Variants in LRP1B observed in about 807,000 individuals in gnomAD.
The protein encoded by LRP1B is LDL receptor related protein 1B.
In LRP1B, 217 loss-of-function variants were observed where a neutral mutation model predicts 556.6. The ratio of observed to expected loss-of-function variants is 0.39; its 90% confidence interval spans 0.35 to 0.44. The LOEUF (loss-of-function observed/expected upper bound fraction) is 0.44, where lower values mean the gene tolerates loss of function less well. Among genes scored for constraint, LRP1B ranks in the 20% least tolerant of loss-of-function variants. LRP1B has a pLI of 1.00. For synonymous variants in LRP1B, 2,047 were observed against 1,865.8 expected, an observed-to-expected ratio of 1.10 and a Z score of -2.50; for missense variants, 5,053 against 5,620.8, an observed-to-expected ratio of 0.90 and a Z score of 3.23.
intron 47 of LRP1B, among the ~76,000 whole-genome samples, chr2:140,528,804 A>T (rs1254998818): frequency 6.6e-6 from 1 of 151,990 alleles, no homozygotes; most frequent in Non-Finnish European, 1.5e-5. Flanking sequence ...AAATAGTAGG[A>T]ACTTCATTAA....
At chr2:140,396,689 T>C (rs1684273529) in intron 66 of LRP1B, among the ~76,000 whole-genome samples, 1 of 152,182 alleles carries the variant, frequency 6.6e-6, no homozygotes, top group Admixed American at 6.6e-5. Context: ...AGTTAATAAA[T>C]AGTATCTGAA....
chr2:140,811,142 T>A (rs551158689), intron 32 of LRP1B, among the ~76,000 whole-genome samples: 1 of 152,150 alleles, frequency 6.6e-6, no homozygotes, highest in African/African-American at 2.4e-5. Flanking sequence ...AGCAATTTAC[T>A]TGTTAAGAGA....
intron 2 of LRP1B, among the ~76,000 whole-genome samples, chr2:141,702,264 G>T (rs1477966640): frequency 6.6e-6 from 1 of 151,794 alleles, no homozygotes; most frequent in African/African-American, 2.4e-5. Context: ...ATGCTTATAG[G>T]CAGGTGAAGA....
intron 2 of LRP1B, among the ~76,000 whole-genome samples, chr2:141,585,800 G>T (rs1250923981): frequency 6.6e-6 from 1 of 151,888 alleles, no homozygotes; most frequent in Non-Finnish European, 1.5e-5. Context: ...TGAGAGATGG[G>T]TGCCTTACTC....
chr2:141,505,317 G>A (rs926569552), intron 2 of LRP1B, among the ~76,000 whole-genome samples: 5 of 151,914 alleles, frequency 3.3e-5, no homozygotes, highest in East Asian at 1.9e-4. Flanking sequence ...GTTGCAACTC[G>A]GATATCATAC....
chr2:141,940,524 A>G (rs571954377), intron 1 of LRP1B, among the ~76,000 whole-genome samples: 4 of 152,264 alleles, frequency 2.6e-5, no homozygotes, highest in African/African-American at 9.6e-5. Context: ...ACTATGTTTT[A>G]GATATCGGAA....
chr2:141,339,300 C>CAA (rs199875427), intron 3 of LRP1B, among the ~76,000 whole-genome samples: 25 of 75,686 alleles, frequency 3.3e-4, no homozygotes, highest in Non-Finnish European at 3.6e-4. Context: ...TGGGGTAACG[C>CAA]AAAAAAAAAA....
chr2:140,449,370 A>T (rs992066738), intron 63 of LRP1B, among the ~76,000 whole-genome samples: 1 of 152,112 alleles, frequency 6.6e-6, no homozygotes, highest in African/African-American at 2.4e-5. Flanking sequence ...TCTTCCTTTG[A>T]TATTCCTTTT....
chr2:140,602,218 G>A (rs1486489291), intron 41 of LRP1B, among the ~76,000 whole-genome samples: 1 of 149,090 alleles, frequency 6.7e-6, no homozygotes, highest in South Asian at 2.1e-4. Context: ...AAAAAACAAA[G>A]CAAGAGAAAA....
intron 1 of LRP1B, among the ~76,000 whole-genome samples, chr2:142,050,428 T>A (rs1282224416): frequency 6.6e-6 from 1 of 152,106 alleles, no homozygotes; most frequent in Non-Finnish European, 1.5e-5. Context: ...TTTTGACAGG[T>A]GCCATTATAC....
chr2:141,338,245 ACCACTGAAG>A (rs888274557), intron 3 of LRP1B, among the ~76,000 whole-genome samples: 5 of 152,122 alleles, frequency 3.3e-5, no homozygotes, highest in African/African-American at 1.2e-4. Context: ...GGACCCCATT[ACCACTGAAG>A]CCACTGCCAC....
rs2105086185 is a variant in LRP1B at position 140,335,651 on chromosome 2, C to G, written c.12080G>C (p.Gly4027Ala). 1 of 1,612,306 alleles carries G rather than the reference C, an allele frequency of 6.2e-7. No individual in the cohort carries two copies. The highest frequency in any genetic ancestry group is 8.5e-7 in the Non-Finnish European group (1 of 1,178,720). The part of the protein sequence containing the change: ...NCTRLLTNMA[G>A]EPYAIAVNPK... The stretch of plus-strand genomic sequence containing the variant: ...ATTTACTGCAATAGCATAGGGTTCT[C>G]CAGCCATATTTGTTAAGAGTCTGGT... The change falls in exon 78 of 91, where the codon GGA (glycine) becomes GCA (alanine). Residue 4027 changes from glycine (G) to alanine (A), a missense_variant. Around this residue, in one of 5 missense-constraint regions of LRP1B, gnomAD observed 599 missense variants for 648.4 expected, o/e 0.92. Transcript: ENST00000389484.
At chr2:141,996,745 A>C (rs1702503932) in intron 1 of LRP1B, among the ~76,000 whole-genome samples, 1 of 149,042 alleles carries the variant, frequency 6.7e-6, no homozygotes, top group African/African-American at 2.5e-5. Flanking sequence ...ACACAAAGTA[A>C]GAAAAAATAG....
At chr2:141,745,552 A>G (rs1436663787) in intron 2 of LRP1B, among the ~76,000 whole-genome samples, 2 of 151,956 alleles carry the variant, frequency 1.3e-5, no homozygotes, top group Admixed American at 1.3e-4. Flanking sequence ...GAATGCTGCC[A>G]GGCCTGGAAC....
intron 7 of LRP1B, among the ~76,000 whole-genome samples, chr2:141,123,110 G>A (rs1371410487): frequency 6.6e-6 from 1 of 151,944 alleles, no homozygotes; most frequent in Non-Finnish European, 1.5e-5. Flanking sequence ...GGGGTGGGGA[G>A]AGGGATAGCA....
At chr2:141,718,396 C>T (rs920111624) in intron 2 of LRP1B, among the ~76,000 whole-genome samples, 2 of 152,108 alleles carry the variant, frequency 1.3e-5, no homozygotes, top group African/African-American at 4.8e-5. Context: ...ACTAAATATA[C>T]ATTTTAAAAA....
At chr2:140,750,956 A>G (rs935675662) in intron 35 of LRP1B, among the ~76,000 whole-genome samples, 1 of 151,174 alleles carries the variant, frequency 6.6e-6, no homozygotes, top group East Asian at 1.9e-4. Flanking sequence ...ATAAAATTAG[A>G]GTATTTACCT....
intron 5 of LRP1B, among the ~76,000 whole-genome samples, chr2:141,240,274 C>T (rs1683814800): frequency 6.6e-6 from 1 of 151,990 alleles, no homozygotes. Flanking sequence ...TCTCTAACTG[C>T]TTTTATTACC....
intron 3 of LRP1B, among the ~76,000 whole-genome samples, chr2:141,261,289 T>C (rs1274002204): frequency 6.6e-6 from 1 of 152,208 alleles, no homozygotes; most frequent in African/African-American, 2.4e-5. Flanking sequence ...TTCAGTGTGT[T>C]CTCTTACAAG....
Sources: gnomAD v4.1 joint callset for allele counts (sites outside exome capture counted in the v4.1 genomes callset) on GRCh38, gnomAD v4.1.1 for gene constraint, gnomAD v4.1.1 regional missense constraint, MANE v1.5 for transcripts, NCBI Gene and HGNC (gene_info 2026-07-23, HGNC 2026-07-21) for gene names.